Variants in TRAPPC3 observed in about 807,000 individuals in gnomAD.
The protein encoded by TRAPPC3 is trafficking protein particle complex 3.
Under a neutral mutation model 18.2 loss-of-function variants are expected in TRAPPC3, and 5 were observed. The ratio of observed to expected loss-of-function variants is 0.28; its 90% CI spans 0.14 to 0.58. TRAPPC3 has a LOEUF of 0.58. Ranked by LOEUF, TRAPPC3 falls within the 20% of genes least tolerant of loss-of-function variation. The pLI, the probability that TRAPPC3 is intolerant of heterozygous loss-of-function variation, is 0.91. For synonymous variants in TRAPPC3, 65 were observed against 84.2 expected (o/e 0.77, Z 1.25); for missense variants, 176 against 225.9 (o/e 0.78, Z 1.41).
chr1:36,143,836 C>T (rs1308691025), intron 1 of TRAPPC3, among the ~76,000 whole-genome samples: 1 of 152,172 alleles, frequency 6.6e-6, no homozygotes, highest in African/African-American at 2.4e-5. Context: ...ATTAGTTTTT[C>T]CCATCTGTAA....
chr1:36,152,804 C>G (rs113175401), upstream of TRAPPC3, among the ~76,000 whole-genome samples: 1 of 152,130 alleles, frequency 6.6e-6, no homozygotes, highest in African/African-American at 2.4e-5. Flanking sequence ...GCACGCACCA[C>G]GATGCCTGGC....
upstream of TRAPPC3, among the ~76,000 whole-genome samples, chr1:36,150,944 C>T (rs1023692443): frequency 3.3e-5 from 5 of 152,186 alleles, no homozygotes; most frequent in East Asian, 1.9e-4. Flanking sequence ...TCCTCCCTGC[C>T]GGCTGCCCTT....
intron 3 of TRAPPC3, chr1:36,138,374 G>A (rs1644057165): frequency 5.1e-6 from 5 of 984,984 alleles, no homozygotes; most frequent in Admixed American, 2.4e-5. Flanking sequence ...TGTGCTACCT[G>A]AATGCACCTT....
intron 1 of TRAPPC3, among the ~76,000 whole-genome samples, chr1:36,154,694 G>C (rs1644301538): frequency 6.6e-6 from 1 of 152,142 alleles, no homozygotes; most frequent in South Asian, 2.1e-4. Flanking sequence ...TAGATGCCAG[G>C]TTCTGTGCTC....
chr1:36,155,070 G>A (rs1644306052), intron 1 of TRAPPC3, among the ~76,000 whole-genome samples: 1 of 152,208 alleles, frequency 6.6e-6, no homozygotes, highest in Non-Finnish European at 1.5e-5. Flanking sequence ...GAGGGAAGGG[G>A]GGCAAGGGGG....
At chr1:36,150,264 G>T (rs1644258426), upstream of TRAPPC3, among the ~76,000 whole-genome samples, 1 of 152,342 alleles carries the variant, frequency 6.6e-6, no homozygotes, top group Middle Eastern at 3.4e-3. Flanking sequence ...GCACTTGGGC[G>T]CATAAAAGGC....
At chr1:36,145,561 G>A (rs142697868) in intron 1 of TRAPPC3, among the ~76,000 whole-genome samples, 46 of 152,232 alleles carry the variant, frequency 3.0e-4, no homozygotes, top group Non-Finnish European at 4.7e-4. Flanking sequence ...GTAAGCCAAC[G>A]CAAGAGAAGG....
At chr1:36,146,871 G>A (rs553857242) in intron 1 of TRAPPC3, among the ~76,000 whole-genome samples, 111 of 152,324 alleles carry the variant, frequency 7.3e-4, no homozygotes, top group Middle Eastern at 3.4e-3. Context: ...ACAGAGCTCT[G>A]CATATAGTTG....
chr1:36,136,639 A>C lies in TRAPPC3; in HGVS notation c.*564T>G. 6.5e-6 allele frequency: 1 copy of C among 152,682 alleles called. No homozygotes were observed. The highest frequency in any genetic ancestry group is 1.9e-4 in the East Asian group (1 of 5,206). The allele number at this position is 152,682 out of a possible 1,614,324, so 9.5% of individuals were successfully genotyped here. The stretch of plus-strand genomic sequence containing the variant: ...AAGAAAAAAGGATGTACCCTCTGTA[A>C]AAAGAGGAGATGTTGCCTCCAACAG... On this transcript the variant is annotated 3_prime_UTR_variant, in exon 5 of 5. Coordinates refer to ENST00000373166, the MANE Select transcript of TRAPPC3 (RefSeq NM_014408.5).
upstream of TRAPPC3, among the ~76,000 whole-genome samples, chr1:36,152,660 TTC>T (rs1185278599): frequency 1.3e-5 from 2 of 150,918 alleles, no homozygotes; most frequent in Non-Finnish European, 1.5e-5. Flanking sequence ...TTACTATCTT[TTC>T]TCTCTTTTTT....
chr1:36,140,041 T>C, intron 2 of TRAPPC3, 28 bp downstream of exon 2: 1 of 1,561,264 alleles, frequency 6.4e-7, no homozygotes. Context: ...GCCCCATTTC[T>C]GTCTCTCCTA....
chr1:36,149,203 C>T, intron 1 of TRAPPC3, 134 bp downstream of exon 1: 1 of 1,519,556 alleles, frequency 6.6e-7, no homozygotes, highest in South Asian at 1.3e-5. Flanking sequence ...CCCGGAGTGA[C>T]CCAGCAAGAG....
At chr1:36,155,260 A>G (rs1644307877) in intron 1 of TRAPPC3, among the ~76,000 whole-genome samples, 1 of 151,908 alleles carries the variant, frequency 6.6e-6, no homozygotes, top group African/African-American at 2.4e-5. Flanking sequence ...CAAGCTCCCC[A>G]CTCTGCCCCG....
At chr1:36,139,962 G>A (rs1644083199) in intron 2 of TRAPPC3, 107 bp downstream of exon 2, 1 of 1,467,728 alleles carries the variant, frequency 6.8e-7, no homozygotes, top group Non-Finnish European at 9.2e-7. Flanking sequence ...TACCCAAAAT[G>A]TTGGCTAAGA....
At chr1:36,150,263 CGCATAAAAG>C (rs1391652511), upstream of TRAPPC3, among the ~76,000 whole-genome samples, 1 of 152,196 alleles carries the variant, frequency 6.6e-6, no homozygotes, top group African/African-American at 2.4e-5. Context: ...AGCACTTGGG[CGCATAAAAG>C]GCATAAAAGA....
intron 1 of TRAPPC3, among the ~76,000 whole-genome samples, chr1:36,144,080 G>C (rs1644155813): frequency 6.6e-6 from 1 of 151,914 alleles, no homozygotes; most frequent in Non-Finnish European, 1.5e-5. Context: ...CTGAGGTCAG[G>C]AGTTCAAGAC....
chr1:36,140,159 T>G lies in TRAPPC3; in HGVS notation c.50A>C (p.Glu17Ala). ...GGCACCATAGGTCAGGGTGAAGAGC[T>G]CAGAGCTCTAAAAGAGATTCAAAAG... The part of the protein sequence containing the change: ...RGTESKKMSS[E>A]LFTLTYGALV... Residue 17 changes from glutamate (E) to alanine (A), a missense_variant, in exon 2 of 5, where the codon GAG becomes GCG. By Grantham distance (107) the Glu-to-Ala change is moderately radical. Transcript: ENST00000373166. 1 of 1,586,604 alleles carries G rather than the reference T, an allele frequency of 6.3e-7. No individual in the cohort carries two copies. The highest frequency in any genetic ancestry group is 8.5e-7 in the Non-Finnish European group (1 of 1,171,406).
At chr1:36,150,713 G>A (rs544129608), upstream of TRAPPC3, among the ~76,000 whole-genome samples, 5 of 152,314 alleles carry the variant, frequency 3.3e-5, no homozygotes, top group South Asian at 4.1e-4. Context: ...CCTAGAGGCA[G>A]TGACCCCTCA....
chr1:36,142,071 T>C (rs1315993986), intron 1 of TRAPPC3, among the ~76,000 whole-genome samples: 1 of 150,808 alleles, frequency 6.6e-6, no homozygotes, highest in Admixed American at 6.6e-5. Context: ...ATGGTCAACC[T>C]ATCCACTCTT....
Sources: allele counts gnomAD v4.1 joint callset (sites outside exome capture counted in the v4.1 genomes callset), GRCh38; gene constraint gnomAD v4.1.1; transcripts MANE v1.5; gene names NCBI Gene and HGNC (gene_info 2026-07-23, HGNC 2026-07-21).